The following SYT12 variants were observed in gnomAD, a reference collection of about 807,000 sequenced individuals.
SYT12 encodes the protein synaptotagmin-12.
A neutral mutation model predicts 39.5 loss-of-function variants in SYT12; 27 were observed. The ratio of observed to expected loss-of-function variants is 0.68; its 90% CI spans 0.50 to 0.94. SYT12 has a LOEUF of 0.94. SYT12 is among the 40% of genes least tolerant of loss of function. SYT12 has a pLI of 0.00. For missense variants in SYT12, 536 were observed against 572.6 expected (o/e 0.94, Z 0.65); for synonymous variants, 233 against 239.7 (o/e 0.97, Z 0.26).
chr11:67,043,633 T>C lies in SYT12; in HGVS notation c.622-5T>C, dbSNP rs767283150. ...TAGCGCCCTCCATGGCCTTTTCTCC[T>C]GCAGATCCAGAGAAATGCCTACTCC... On this transcript the variant is annotated splice_region_variant and splice_polypyrimidine_tract_variant and intron_variant, in intron 4 of 7. Transcript: ENST00000527043. The C allele has an allele frequency of 6.2e-7, 1 of 1,614,050 alleles. No homozygotes were observed. Among genetic ancestry groups the C allele is most frequent in the Admixed American group, 1.7e-5 (1 of 60,022 alleles).
chr11:67,041,316 A>G (rs1488837465), intron 4 of SYT12, among the ~76,000 whole-genome samples: 1 of 152,072 alleles, frequency 6.6e-6, no homozygotes, highest in Admixed American at 6.6e-5. Context: ...TACTAAAAAT[A>G]CAAAAATTAG....
At chr11:67,035,458 C>CTTTT (rs1213047598) in intron 3 of SYT12, among the ~76,000 whole-genome samples, 5 of 90,234 alleles carry the variant, frequency 5.5e-5, no homozygotes, top group Non-Finnish European at 6.6e-5. Context: ...TTTTTCTTTT[C>CTTTT]TTTTTTTTTT....
chr11:67,033,275 G>C (rs1327524900), intron 2 of SYT12, among the ~76,000 whole-genome samples: 1 of 151,966 alleles, frequency 6.6e-6, no homozygotes, highest in Non-Finnish European at 1.5e-5. Context: ...CAGCTTACAT[G>C]TCCCTCTTCC....
chr11:67,021,349 G>A (rs1157587323), upstream of SYT12, among the ~76,000 whole-genome samples: 1 of 151,582 alleles, frequency 6.6e-6, no homozygotes, highest in Admixed American at 6.6e-5. Context: ...GTTTGAGATG[G>A]AGTCTTGCTC....
upstream of SYT12, among the ~76,000 whole-genome samples, chr11:67,021,249 C>T (rs1281308591): frequency 6.6e-6 from 1 of 152,104 alleles, no homozygotes; most frequent in Non-Finnish European, 1.5e-5. Flanking sequence ...GACAAGATCT[C>T]TCATTTCAAG....
rs1950237541 is a variant in SYT12, at chr11:67,030,122, TCA to T, written c.-20_-19del. On this transcript the variant is annotated splice_region_variant and 5_prime_UTR_variant, in exon 2 of 8. Transcript: ENST00000527043. ...CCTCTCACTCTCTTTTCCCTTCCAG[TCA>T]CAGTCACTGCAGCAGACATCATGGC... 3.1e-6 allele frequency: 5 copies of T among 1,613,690 alleles called. No individual in the cohort carries two copies. The highest frequency in any genetic ancestry group is 4.2e-6 in the Non-Finnish European group (5 of 1,179,938).
At chr11:67,043,471 G>T (rs1164662394) in intron 4 of SYT12, among the ~76,000 whole-genome samples, 167 bp from the exon 5 acceptor site, 4 of 152,144 alleles carry the variant, frequency 2.6e-5, no homozygotes. Context: ...AGGACAGGAG[G>T]CTTTTAAACC....
intron 3 of SYT12, among the ~76,000 whole-genome samples, chr11:67,035,900 C>CTCCTTCCT (rs1307917269): frequency 0.012 from 1,329 of 111,458 alleles, 113 homozygotes; most frequent in African/African-American, 0.052. Context: ...CCCTCCCTCC[C>CTCCTTCCT]TCCTTCCTTC....
chr11:67,045,624 G>T (rs747745945), intron 6 of SYT12, 120 bp from the exon 7 acceptor site: 1 of 1,352,402 alleles, frequency 7.4e-7, no homozygotes. Context: ...TGGCAGGGCT[G>T]CAGGAGGTCA....
rs536734916 is a variant in SYT12, at chr11:67,014,981, C to T, written c.-69+3987C>T. ...AAATATTCCTGCATCACGTAGCTCC[C>T]GCCACAAACTACTTAAAAGACAGCT... is the stretch of plus-strand genomic sequence containing the variant. On this transcript the variant is annotated intron_variant, in intron 3 of 10. Transcript: ENST00000393946. Among the ~76,000 whole-genome samples the T allele has an allele frequency of 1.1e-4, 16 of 152,288 alleles. No homozygotes were observed. In the South Asian group the frequency reaches 3.1e-3, roughly 30 times the overall value.
upstream of SYT12, among the ~76,000 whole-genome samples, chr11:67,018,876 TG>T (rs1950081393): frequency 6.6e-6 from 1 of 150,734 alleles, no homozygotes; most frequent in South Asian, 2.1e-4. Flanking sequence ...GTTGGGCCTG[TG>T]GGGTGCACAG....
At chr11:67,025,550 C>G (rs1039890058) in intron 1 of SYT12, among the ~76,000 whole-genome samples, 78 of 152,240 alleles carry the variant, frequency 5.1e-4, no homozygotes, top group African/African-American at 1.8e-3. Context: ...CCCACTGTAC[C>G]TCATTGCTAT....
At chr11:67,045,620 G>A (rs1293011350) in intron 6 of SYT12, 124 bp from the exon 7 acceptor site, 1 of 1,302,424 alleles carries the variant, frequency 7.7e-7, no homozygotes, top group East Asian at 2.5e-5. Flanking sequence ...CCAATGGCAG[G>A]GCTGCAGGAG....
At chr11:67,019,567 C>T (rs185051961), upstream of SYT12, among the ~76,000 whole-genome samples, 1 of 151,972 alleles carries the variant, frequency 6.6e-6, no homozygotes, top group Non-Finnish European at 1.5e-5. Flanking sequence ...CCCACTGGGT[C>T]CCTCCTACAA....
At chr11:67,013,501 G>A (rs1950029664) in intron 3 of SYT12, among the ~76,000 whole-genome samples, 1 of 152,126 alleles carries the variant, frequency 6.6e-6, no homozygotes, top group South Asian at 2.1e-4. Flanking sequence ...TCTCCTCTTT[G>A]TCCCAGCCCC....
chr11:67,034,636 G>A lies in SYT12; in HGVS notation c.35-9G>A. On this transcript the variant is annotated splice_polypyrimidine_tract_variant and intron_variant, in intron 2 of 7. Coordinates refer to ENST00000527043, the MANE Select transcript of SYT12 (RefSeq NM_177963.4). ...GAAGCCCTAATGAGAGGCTGCCCTT[G>A]CCTTGCAGTCATCAAGAGCCCCCCT... 6.3e-7 allele frequency: 1 copy of A among 1,585,802 alleles called. No individual in the cohort carries two copies. Among genetic ancestry groups the A allele is most frequent in the Non-Finnish European group, 8.5e-7 (1 of 1,169,720 alleles).
At chr11:67,035,606 C>T (rs1282249686) in intron 3 of SYT12, among the ~76,000 whole-genome samples, 5 of 149,784 alleles carry the variant, frequency 3.3e-5, no homozygotes, top group Non-Finnish European at 3.0e-5. Flanking sequence ...TACAGGCACC[C>T]GCCACCATGC....
chr11:67,046,568 GC>G (rs1216590135), intron 7 of SYT12, among the ~76,000 whole-genome samples: 4 of 152,210 alleles, frequency 2.6e-5, no homozygotes, highest in African/African-American at 9.6e-5. Flanking sequence ...GCATGTAAAG[GC>G]CCAGAATCTG....
chr11:67,020,756 G>A (rs1950101085), upstream of SYT12, among the ~76,000 whole-genome samples: 1 of 151,866 alleles, frequency 6.6e-6, no homozygotes. Flanking sequence ...TTTTTTAGAC[G>A]GAGTCTCTGT....
Sources: gnomAD v4.1 joint callset for allele counts (sites outside exome capture counted in the v4.1 genomes callset) on GRCh38, gnomAD v4.1.1 for gene constraint, MANE v1.5 for transcripts, NCBI Gene and HGNC (gene_info 2026-07-23, HGNC 2026-07-21) for gene names.